The following BBIP1 variants were observed in gnomAD, a reference collection of about 807,000 sequenced individuals.
The protein encoded by BBIP1 is BBSome-interacting protein 1.
A neutral mutation model predicts 8.9 loss-of-function variants in BBIP1; 6 were observed. That is an observed-to-expected ratio of 0.67 (90% CI 0.37 to 1.33). The LOEUF (loss-of-function observed/expected upper bound fraction) is 1.33, where lower values mean the gene tolerates loss of function less well. Ranked by LOEUF, BBIP1 falls within the 40% of genes most tolerant of loss-of-function variation. BBIP1 has a pLI of 0.02. For missense variants in BBIP1, 111 were observed against 109.2 expected (o/e 1.02, Z -0.07); for synonymous variants, 32 against 33.4 (o/e 0.96, Z 0.14).
intron 2 of BBIP1, chr10:110,903,536 A>C (rs1846057329): frequency 6.6e-6 from 1 of 152,304 alleles, no homozygotes; most frequent in Admixed American, 6.5e-5. Context: ...GGAAGGGCTA[A>C]AATAAGCAAG....
At position 110,918,009 on chromosome 10, in the gene BBIP1, A is replaced by C. The variant is rs1036261626; in HGVS notation, c.37+112T>G. The C allele has an allele frequency of 3.4e-6, 3 of 877,746 alleles. No homozygotes were observed. In the African/African-American group the frequency reaches 5.0e-5, roughly 15 times the overall value. 54.4% of individuals were successfully genotyped at this position (877,746 alleles called of 1,614,324 possible). ...CAGTAATTAACAGCAAAGAAACAAG[A>C]GTAGTTCATTTTGGCTGGCGTGTAA... On this transcript the variant is annotated intron_variant, in intron 2 of 3. Coordinates refer to ENST00000448814, the MANE Select transcript of BBIP1 (RefSeq NM_001195305.3).
At chr10:110,917,085 C>T (rs1195406690) in intron 2 of BBIP1, among the ~76,000 whole-genome samples, 1 of 151,866 alleles carries the variant, frequency 6.6e-6, no homozygotes, top group African/African-American at 2.4e-5. Flanking sequence ...GGGCCCATTT[C>T]CAAAAAGACT....
chr10:110,900,265 T>TAAC lies in BBIP1; in HGVS notation c.*92_*94dup. ...CTATGAATACTATCAATTTTATTGATAACACATACTACTTTCAGCACACAG... is the reference window on the plus strand; with the variant it reads ...CTATGAATACTATCAATTTTATTGATAACAACACATACTACTTTCAGCACACAG... On this transcript the variant is annotated 3_prime_UTR_variant, in exon 4 of 4. Transcript: ENST00000448814. 1 of 1,158,548 alleles carries TAAC rather than the reference T, an allele frequency of 8.6e-7. No homozygotes were observed. The allele number at this position is 1,158,548 out of a possible 1,614,324, so 71.8% of individuals were successfully genotyped here. A position where few individuals can be genotyped will look rare whatever the true frequency, so the allele number is the denominator to read the frequency against.
At chr10:110,907,144 T>C (rs1461869679) in intron 2 of BBIP1, 1 of 152,266 alleles carries the variant, frequency 6.6e-6, no homozygotes, top group Non-Finnish European at 1.5e-5. Context: ...CTAAGAGATG[T>C]TTATTTTCTG....
At chr10:110,918,502 TCTC>T (rs1279951290) in intron 1 of BBIP1, among the ~76,000 whole-genome samples, 10 of 152,150 alleles carry the variant, frequency 6.6e-5, no homozygotes, top group East Asian at 1.9e-4. Flanking sequence ...GTTCCCGAAT[TCTC>T]CTCCCTCCAA....
In BBIP1 at chr10:110,917,832, T is replaced by C. The variant is rs1262559777; in HGVS notation, c.37+289A>G. On this transcript the variant is annotated intron_variant, in intron 2 of 3. Transcript: ENST00000448814. ...GAAGCTAAAAACATAAGCGCTATTATATATATATAACATACTGATTGTCAT... is the reference window on the plus strand; with the variant it reads ...GAAGCTAAAAACATAAGCGCTATTACATATATATAACATACTGATTGTCAT... 4 of 266,884 alleles carry C rather than the reference T, an allele frequency of 1.5e-5. No homozygotes were observed. The East Asian group carries it at 1.8e-4, about 12-fold the overall frequency. The allele number at this position is 266,884 out of a possible 1,614,324, so 16.5% of individuals were successfully genotyped here.
intron 2 of BBIP1, chr10:110,908,231 T>G (rs1846191926): frequency 6.6e-6 from 1 of 152,588 alleles, no homozygotes; most frequent in African/African-American, 2.4e-5. Flanking sequence ...GACAAAGCTG[T>G]ATTTTTATAA....
intron 2 of BBIP1, among the ~76,000 whole-genome samples, chr10:110,909,906 C>G (rs1846234629): frequency 6.6e-6 from 1 of 152,150 alleles, no homozygotes; most frequent in Non-Finnish European, 1.5e-5. Context: ...AACAAACATA[C>G]TAAATGTCTA....
At chr10:110,903,085 G>T (rs529424183) in intron 2 of BBIP1, 1 of 152,252 alleles carries the variant, frequency 6.6e-6, no homozygotes, top group African/African-American at 2.4e-5. Context: ...AACCTGACAT[G>T]ATACGCCACT....
chr10:110,901,682 A>AAAT, intron 2 of BBIP1, 70 bp from the exon 3 acceptor site: 1 of 1,210,236 alleles, frequency 8.3e-7, no homozygotes, highest in Non-Finnish European at 1.2e-6. Context: ...TTTCCATTGT[A>AAAT]GTTTAAGAAG....
intron 1 of BBIP1, among the ~76,000 whole-genome samples, chr10:110,918,440 T>G (rs959224017): frequency 6.6e-6 from 1 of 152,228 alleles, no homozygotes; most frequent in Admixed American, 6.5e-5. Context: ...GCCCTGGTGG[T>G]AGGGGCTCAT....
rs958134628 is a variant in BBIP1, at chr10:110,899,694, G to C, written c.*666C>G. On this transcript the variant is annotated 3_prime_UTR_variant, in exon 4 of 4. Coordinates refer to ENST00000448814, the MANE Select transcript of BBIP1 (RefSeq NM_001195305.3). ...TGCGTGTAATCCCAGCTACTTGGGA[G>C]GCTGAGGCAGGAGAATTGCTTGAAC... 1.3e-5 allele frequency: 2 copies of C among 152,298 alleles called. No individual in the cohort carries two copies. The highest frequency in any genetic ancestry group is 4.8e-5 in the African/African-American group (2 of 41,520). 9.4% of individuals were successfully genotyped at this position (152,298 alleles called of 1,614,324 possible).
chr10:110,907,042 CTT>C (rs1353312169), intron 2 of BBIP1: 2 of 152,356 alleles, frequency 1.3e-5, no homozygotes, highest in South Asian at 2.1e-4. Flanking sequence ...AGAACAGTCT[CTT>C]GACTTGCAGA....
At chr10:110,909,357 G>A (rs1846218684) in intron 2 of BBIP1, among the ~76,000 whole-genome samples, 1 of 152,090 alleles carries the variant, frequency 6.6e-6, no homozygotes, top group Admixed American at 6.5e-5. Context: ...ACCACACCCA[G>A]CTAATTTTTT....
rs896124701 is a variant in BBIP1 at position 110,915,704 on chromosome 10, A to AT, written c.37+2416dup. On this transcript the variant is annotated intron_variant, in intron 2 of 3. Transcript: ENST00000448814. ...CTTAACAGTTTTAAGGCTCGTTTTA[A>AT]TTTTTTTTTTCTTTTTTGAGACAGG... Among the ~76,000 whole-genome samples the AT allele has an allele frequency of 8.1e-5, 12 of 148,622 alleles. No individual in the cohort carries two copies. In the East Asian group the frequency reaches 1.8e-3, roughly 22 times the overall value.
chr10:110,918,042 G>C, intron 2 of BBIP1, 79 bp downstream of exon 2: 1 of 1,288,724 alleles, frequency 7.8e-7, no homozygotes, highest in Non-Finnish European at 1.1e-6. Context: ...TAAGTACTAA[G>C]GAAGCAGAAA....
chr10:110,916,249 A>T (rs1846398309), intron 2 of BBIP1, among the ~76,000 whole-genome samples: 1 of 152,220 alleles, frequency 6.6e-6, no homozygotes, highest in Admixed American at 6.5e-5. Flanking sequence ...TACCAATCTA[A>T]AAAATTCTGT....
rs1163308179 is a variant in BBIP1 at position 110,900,262 on chromosome 10, T to G, written c.*98A>C. On this transcript the variant is annotated 3_prime_UTR_variant, in exon 4 of 4. Transcript: ENST00000448814. ...TTTCTATGAATACTATCAATTTTAT[T>G]GATAACACATACTACTTTCAGCACA... is the stretch of plus-strand genomic sequence containing the variant. 1 of 1,135,464 alleles carries G rather than the reference T, an allele frequency of 8.8e-7. No homozygotes were observed. Among genetic ancestry groups the G allele is most frequent in the East Asian group, 2.7e-5 (1 of 37,314 alleles). 70.3% of individuals were successfully genotyped at this position (1,135,464 alleles called of 1,614,324 possible). A position where few individuals can be genotyped will look rare whatever the true frequency, so the allele number is the denominator to read the frequency against.
At chr10:110,910,230 G>A (rs1371243890) in intron 2 of BBIP1, among the ~76,000 whole-genome samples, 5 of 152,098 alleles carry the variant, frequency 3.3e-5, no homozygotes, top group African/African-American at 4.8e-5. Context: ...TAGACAAAGC[G>A]AAAAATACGT....
Sources: allele counts gnomAD v4.1 joint callset (sites outside exome capture counted in the v4.1 genomes callset), GRCh38; gene constraint gnomAD v4.1.1; transcripts MANE v1.5; gene names NCBI Gene and HGNC (gene_info 2026-07-23, HGNC 2026-07-21).